ARID2: variants seen among roughly 807,000 people sequenced by gnomAD.
The protein encoded by ARID2 is AT-rich interaction domain 2, also known as AT-rich interactive domain-containing protein 2.
In ARID2, 32 loss-of-function variants were observed where a neutral mutation model predicts 184.6. That is an observed-to-expected ratio of 0.17 (90% CI 0.13 to 0.23). The LOEUF (loss-of-function observed/expected upper bound fraction) is 0.23. Among genes scored for constraint, ARID2 ranks in the 10% least tolerant of loss-of-function variants. The pLI is 1.00. For synonymous variants in ARID2, 836 were observed against 772.6 expected (o/e 1.08, Z -1.36); for missense variants, 1,696 against 2,197.6 (o/e 0.77, Z 4.56).
rs577713771 is a variant in ARID2, at chr12:45,851,191, C to T, written c.3068C>T (p.Pro1023Leu). The change falls in exon 15 of 21, where the codon CCA becomes CTA. Residue 1023 changes from proline to leucine, a missense_variant. Coordinates refer to ENST00000334344, the MANE Select transcript of ARID2 (RefSeq NM_152641.4). The stretch of plus-strand genomic sequence containing the variant: ...CAGCAACATTCACCAGCACCCCCAC[C>T]ACAGCAGGTACAAGTACAAGTTCAG... ...QQQQHSPAPPPQQVQVQVQQP... is the reference protein window; with the variant it reads ...QQQQHSPAPPLQQVQVQVQQP... 54 of 1,614,174 alleles carry T rather than the reference C, an allele frequency of 3.3e-5. No homozygotes were observed. The East Asian group carries it at 7.8e-4, about 23-fold the overall frequency.
chr12:45,742,824 AT>A (rs1327370836), intron 3 of ARID2, among the ~76,000 whole-genome samples: 1 of 152,188 alleles, frequency 6.6e-6, no homozygotes. Flanking sequence ...TAAAGTGGGG[AT>A]TGAAGCAGCA....
chr12:45,869,477 A>C (rs1200971468), intron 16 of ARID2, among the ~76,000 whole-genome samples: 3 of 151,408 alleles, frequency 2.0e-5, no homozygotes, highest in African/African-American at 7.3e-5. Context: ...TATTAAGTTT[A>C]TTGCTAGGTG....
intron 3 of ARID2, among the ~76,000 whole-genome samples, chr12:45,782,399 A>G (rs867027520): frequency 6.6e-6 from 1 of 152,148 alleles, no homozygotes; most frequent in African/African-American, 2.4e-5. Context: ...TGGGAGGCCG[A>G]GGTGGATGGA....
At chr12:45,897,380 C>G (rs189252534) in intron 20 of ARID2, among the ~76,000 whole-genome samples, 47 of 152,126 alleles carry the variant, frequency 3.1e-4, no homozygotes, top group African/African-American at 1.1e-3. Flanking sequence ...AAAAGGAAAA[C>G]CAGACAAACT....
intron 20 of ARID2, among the ~76,000 whole-genome samples, chr12:45,900,005 T>C (rs1225192976): frequency 1.3e-5 from 2 of 151,992 alleles, no homozygotes; most frequent in Admixed American, 6.6e-5. Flanking sequence ...AAATCAGATA[T>C]TGTTGGATTG....
At chr12:45,833,623 G>T (rs922810546) in intron 6 of ARID2, among the ~76,000 whole-genome samples, 1 of 152,114 alleles carries the variant, frequency 6.6e-6, no homozygotes, top group Non-Finnish European at 1.5e-5. Context: ...TTCATATATG[G>T]ATTATCAGAG....
At chr12:45,760,472 AGTT>A (rs1017480569) in intron 3 of ARID2, among the ~76,000 whole-genome samples, 3 of 151,524 alleles carry the variant, frequency 2.0e-5, no homozygotes, top group Non-Finnish European at 4.4e-5. Context: ...ACAGATTTTT[AGTT>A]GTTTTTTCTG....
chr12:45,803,612 C>T lies in ARID2; in HGVS notation c.285-7806C>T, dbSNP rs569983947. 7.5e-4 allele frequency among the ~76,000 whole-genome samples: 114 copies of T among 152,148 alleles called. 3 individuals carry two copies. The South Asian group carries it at 0.022, about 29-fold the overall frequency. ...GGGCATGTAAATTTATAGTTTAGAT[C>T]TTCTTTTGGTAATATAGAAATCTTT... is the stretch of plus-strand genomic sequence containing the variant. On this transcript the variant is annotated intron_variant, in intron 3 of 20. Coordinates refer to ENST00000334344, the MANE Select transcript of ARID2 (RefSeq NM_152641.4).
chr12:45,797,286 G>A (rs1390806675), intron 3 of ARID2, among the ~76,000 whole-genome samples: 3 of 152,172 alleles, frequency 2.0e-5, no homozygotes, highest in Non-Finnish European at 4.4e-5. Flanking sequence ...CCAGGCTGGA[G>A]TGCAGTGGCG....
At chr12:45,839,588 G>A (rs1943300474) in intron 11 of ARID2, 92 bp downstream of exon 11, 1 of 1,427,836 alleles carries the variant, frequency 7.0e-7, no homozygotes, top group Non-Finnish European at 9.4e-7. Flanking sequence ...ATAGAGAACT[G>A]ATATTTTACA....
At chr12:45,730,276 A>G in intron 2 of ARID2, 139 bp downstream of exon 2, 2 of 675,472 alleles carry the variant, frequency 3.0e-6, no homozygotes, top group Admixed American at 4.0e-5. Flanking sequence ...AGCCGGTGGC[A>G]CGGAGGCGGA....
chr12:45,899,727 A>G (rs377757094), intron 20 of ARID2, among the ~76,000 whole-genome samples: 6 of 126,962 alleles, frequency 4.7e-5, no homozygotes, highest in Non-Finnish European at 1.7e-5. Context: ...ATATATGGTT[A>G]TATATATATG....
At position 45,811,298 on chromosome 12, in the gene ARID2, G is replaced by C. The variant is rs1265540839; in HGVS notation, c.285-120G>C. ...TACTGTTCTAATATAAGAGGTTTAT[G>C]GTATTTTTATTAATTTTTTTAGATT... On this transcript the variant is annotated intron_variant, in intron 3 of 20. Transcript: ENST00000334344. 4 of 1,091,602 alleles carry C rather than the reference G, an allele frequency of 3.7e-6. No homozygotes were observed. The East Asian group carries it at 1.1e-4, about 29-fold the overall frequency. The allele number at this position is 1,091,602 out of a possible 1,614,324, so 67.6% of individuals were successfully genotyped here.
At position 45,852,623 on chromosome 12, in the gene ARID2, A is replaced by G. The variant is rs1943576352; in HGVS notation, c.4500A>G (p.Ser1500=). 11 of 1,614,134 alleles carry G rather than the reference A, an allele frequency of 6.8e-6. No homozygotes were observed. The highest frequency in any genetic ancestry group is 9.3e-6 in the Non-Finnish European group (11 of 1,180,006). Residue 1500 remains serine, a synonymous_variant, in exon 15 of 21, where the codon TCA becomes TCG. Transcript: ENST00000334344. ...GSKVSHSPAL[S]SDVRSTNGTA... ...AAGTATCCCATTCTCCTGCCCTATC[A>G]TCTGACGTTCGGTCTACAAATGGCA...
At chr12:45,784,771 C>T (rs1004119416) in intron 3 of ARID2, among the ~76,000 whole-genome samples, 4 of 152,174 alleles carry the variant, frequency 2.6e-5, no homozygotes, top group Non-Finnish European at 2.9e-5. Flanking sequence ...TTGTAATATT[C>T]TTGACTAATT....
chr12:45,754,788 G>C (rs1941535199), intron 3 of ARID2, among the ~76,000 whole-genome samples: 1 of 152,168 alleles, frequency 6.6e-6, no homozygotes, highest in Admixed American at 6.5e-5. Context: ...GTGTATTTTA[G>C]TAGCCCTAAC....
At chr12:45,753,927 C>T (rs1941516032) in intron 3 of ARID2, among the ~76,000 whole-genome samples, 1 of 152,132 alleles carries the variant, frequency 6.6e-6, no homozygotes, top group African/African-American at 2.4e-5. Flanking sequence ...AAATTTAGCT[C>T]TTAGTGACTT....
chr12:45,877,020 A>G (rs1944020537), intron 16 of ARID2, among the ~76,000 whole-genome samples: 1 of 150,464 alleles, frequency 6.6e-6, no homozygotes, highest in South Asian at 2.1e-4. Context: ...TGAACCCAGG[A>G]GACAGAGCTT....
At chr12:45,811,629 T>A (rs1362709276) in intron 4 of ARID2, 78 bp downstream of exon 4, 2 of 1,484,420 alleles carry the variant, frequency 1.3e-6, no homozygotes, top group Non-Finnish European at 1.8e-6. Flanking sequence ...AATGAGTTAG[T>A]CCCTTCCTTT....
Sources: gnomAD v4.1 joint callset for allele counts (sites outside exome capture counted in the v4.1 genomes callset) on GRCh38, gnomAD v4.1.1 for gene constraint, MANE v1.5 for transcripts, NCBI Gene and HGNC (gene_info 2026-07-23, HGNC 2026-07-21) for gene names.